COL27A1: variants seen among roughly 807,000 people sequenced by gnomAD.
COL27A1 encodes the protein collagen type XXVII alpha 1 chain.
COL27A1 carries 106 observed loss-of-function variants against 251.3 expected under a neutral mutation model. That is an observed-to-expected ratio of 0.42 (90% CI 0.36 to 0.50). The LOEUF (loss-of-function observed/expected upper bound fraction) is 0.50. Among genes scored for constraint, COL27A1 ranks in the 20% least tolerant of loss-of-function variants. The pLI, the probability that COL27A1 is intolerant of heterozygous loss-of-function variation, is 0.00. For missense variants in COL27A1, 2,325 were observed against 2,522.8 expected (o/e 0.92, Z 1.68); for synonymous variants, 1,000 against 986.3 (o/e 1.01, Z -0.26).
intron 48 of COL27A1, 117 bp downstream of exon 48, chr9:114,291,034 A>C: frequency 1.5e-6 from 1 of 668,376 alleles, no homozygotes; most frequent in Non-Finnish European, 2.5e-6. Context: ...AATGGAGTCC[A>C]CATTGTTGAC....
intron 24 of COL27A1, 101 bp from the exon 25 acceptor site, chr9:114,250,514 G>A (rs1213124032): frequency 3.2e-5 from 35 of 1,087,040 alleles, no homozygotes; most frequent in Non-Finnish European, 4.1e-5. Context: ...GACCAGGCAC[G>A]GGTGGGAGAC....
At chr9:114,276,873 A>G (rs1445338362) in intron 37 of COL27A1, among the ~76,000 whole-genome samples, 1 of 152,258 alleles carries the variant, frequency 6.6e-6, no homozygotes, top group African/African-American at 2.4e-5. Context: ...ACATGTACAG[A>G]CAAGTTGCCC....
chr9:114,169,155 A>T lies in COL27A1; in HGVS notation c.1600A>T (p.Lys534Ter). ...TCCTGGCTCAGCTCCCACTGGAAGC[A>T]AGAAGCCCATTGGATCGGAAGCCTC... ...PTPGSAPTGS[K>*]KPIGSEASKK... Residue 534 changes from lysine to a stop codon, truncating the protein, a stop_gained, in exon 3 of 61, where the codon AAG becomes TAG. Transcript: ENST00000356083. LOFTEE classifies it high-confidence loss of function. 1 of 1,614,102 alleles carries T rather than the reference A, an allele frequency of 6.2e-7. No homozygotes were observed. The highest frequency in any genetic ancestry group is 8.5e-7 in the Non-Finnish European group (1 of 1,180,016).
intron 48 of COL27A1, among the ~76,000 whole-genome samples, chr9:114,291,318 G>A (rs1827899907): frequency 1.3e-5 from 2 of 152,214 alleles, no homozygotes; most frequent in African/African-American, 4.8e-5. Flanking sequence ...CTGAAGGGGA[G>A]ATGTAGATGA....
intron 57 of COL27A1, 148 bp from the exon 58 acceptor site, chr9:114,306,372 A>C (rs1204566916): frequency 6.6e-5 from 48 of 725,274 alleles, no homozygotes; most frequent in Non-Finnish European, 1.0e-4. Context: ...TCTTGTCTGC[A>C]AAATAAAGAG....
chr9:114,216,453 C>T (rs1253475774), intron 12 of COL27A1, among the ~76,000 whole-genome samples: 1 of 152,210 alleles, frequency 6.6e-6, no homozygotes, highest in South Asian at 2.1e-4. Context: ...CATTCCAGCT[C>T]AGCAGCCGCC....
intron 4 of COL27A1, among the ~76,000 whole-genome samples, chr9:114,181,796 G>A (rs1188626457): frequency 6.6e-6 from 1 of 152,150 alleles, no homozygotes; most frequent in African/African-American, 2.4e-5. Flanking sequence ...CTCTGGACTT[G>A]AAGCCACCAG....
At chr9:114,174,636 A>G (rs1849555548) in intron 3 of COL27A1, among the ~76,000 whole-genome samples, 1 of 152,144 alleles carries the variant, frequency 6.6e-6, no homozygotes, top group African/African-American at 2.4e-5. Context: ...TGGGGAGTAA[A>G]TGGAGAAGAA....
rs763706164 is a variant in COL27A1 at position 114,301,732 on chromosome 9, G to A, written c.4845+15G>A. The A allele has an allele frequency of 1.2e-6, 2 of 1,611,782 alleles. No homozygotes were observed. ...CCGGCCCCCCGGTAGGTAACTGAGTGCTGGGTGCATCTTGGACTCCTGGGG... is the reference window on the plus strand; with the variant it reads ...CCGGCCCCCCGGTAGGTAACTGAGTACTGGGTGCATCTTGGACTCCTGGGG... On this transcript the variant is annotated intron_variant, in intron 55 of 60. Coordinates refer to ENST00000356083, the MANE Select transcript of COL27A1 (RefSeq NM_032888.4).
At chr9:114,176,631 T>C (rs2060132) in intron 3 of COL27A1, among the ~76,000 whole-genome samples, 121,129 of 151,892 alleles carry the variant, frequency 0.8, 49,039 homozygotes, top group East Asian at 1. Context: ...TGGGTAAGAC[T>C]GGCACCCAGA....
intron 57 of COL27A1, among the ~76,000 whole-genome samples, chr9:114,305,204 C>T (rs971663894): frequency 1.3e-5 from 2 of 152,202 alleles, no homozygotes; most frequent in African/African-American, 4.8e-5. Context: ...CTTACTGCCC[C>T]CAGCTCAAAC....
At chr9:114,268,650 A>G (rs530673198) in intron 34 of COL27A1, among the ~76,000 whole-genome samples, 4 of 152,276 alleles carry the variant, frequency 2.6e-5, no homozygotes, top group Admixed American at 1.3e-4. Flanking sequence ...AACTCCCCCA[A>G]TGCCTCTGAT....
At chr9:114,310,455 TA>T in intron 60 of COL27A1, 93 bp from the exon 61 acceptor site, 1 of 1,410,362 alleles carries the variant, frequency 7.1e-7, no homozygotes, top group Non-Finnish European at 1.0e-6. Flanking sequence ...GTATAGCCAT[TA>T]AAAATTGTGA....
At chr9:114,177,803 C>T (rs954621999) in intron 3 of COL27A1, among the ~76,000 whole-genome samples, 2 of 152,174 alleles carry the variant, frequency 1.3e-5, no homozygotes, top group African/African-American at 4.8e-5. Flanking sequence ...CAAGTCCCTT[C>T]TCTGTTCTGA....
chr9:114,177,708 G>A (rs1827581894), intron 3 of COL27A1, among the ~76,000 whole-genome samples: 1 of 152,216 alleles, frequency 6.6e-6, no homozygotes, highest in Non-Finnish European at 1.5e-5. Context: ...TCTGAACCCA[G>A]GCATGTCTGA....
intron 56 of COL27A1, 149 bp from the exon 57 acceptor site, chr9:114,304,459 T>C (rs1828884197): frequency 2.9e-6 from 2 of 681,194 alleles, no homozygotes; most frequent in Admixed American, 2.2e-5. Flanking sequence ...GCTTTGACTG[T>C]CTGCAAAGAG....
intron 17 of COL27A1, among the ~76,000 whole-genome samples, chr9:114,236,123 G>A (rs372220020): frequency 1.1e-4 from 17 of 151,888 alleles, no homozygotes; most frequent in African/African-American, 1.7e-4. Context: ...ACTGCTACCC[G>A]CCCGGGACCC....
At position 114,288,806 on chromosome 9, in the gene COL27A1, G is replaced by T. The variant is rs372713793; in HGVS notation, c.4098+51G>T. Reference sequence around the variant, plus strand: ...GGCAGGATCGGGCATGTCAGGGAGAGGGGGGATGACACATGTCTAGAAAGA... The same window carrying T: ...GGCAGGATCGGGCATGTCAGGGAGATGGGGGATGACACATGTCTAGAAAGA... On this transcript the variant is annotated intron_variant, in intron 43 of 60. Coordinates refer to ENST00000356083, the MANE Select transcript of COL27A1 (RefSeq NM_032888.4). 3.1e-6 allele frequency: 5 copies of T among 1,600,862 alleles called. No individual in the cohort carries two copies. In the South Asian group the frequency reaches 3.3e-5, roughly 11 times the overall value.
At position 114,205,383 on chromosome 9, in the gene COL27A1, C is replaced by T. The variant is rs1359722794; in HGVS notation, c.2169+237C>T. On this transcript the variant is annotated intron_variant, in intron 8 of 60. Transcript: ENST00000356083. ...CCTGATGTTGGCATGAGCCGCACAA[C>T]GCCAGTTGGAGCCATGAATAGCTGG... 9.9e-5 allele frequency among the ~76,000 whole-genome samples: 15 copies of T among 152,248 alleles called. No individual in the cohort carries two copies. In the South Asian group the frequency reaches 1.4e-3, roughly 15 times the overall value.
Sources: gnomAD v4.1 joint callset for allele counts (sites outside exome capture counted in the v4.1 genomes callset) on GRCh38, gnomAD v4.1.1 for gene constraint, MANE v1.5 for transcripts, NCBI Gene and HGNC (gene_info 2026-07-23, HGNC 2026-07-21) for gene names.